PTPRD: variants seen among roughly 807,000 people sequenced by gnomAD.
PTPRD encodes the protein receptor-type tyrosine-protein phosphatase delta.
In PTPRD, 34 loss-of-function variants were observed where a neutral mutation model predicts 214.5. The observed-to-expected ratio is 0.16, with a 90% CI of 0.12 to 0.21. PTPRD has a LOEUF of 0.21. PTPRD is among the 10% of genes least tolerant of loss of function. PTPRD has a pLI of 1.00. For missense variants in PTPRD, 2,545 were observed against 2,398.7 expected (o/e 1.06, Z -1.27); for synonymous variants, 1,128 against 845.7 (o/e 1.33, Z -5.79).
In PTPRD at chr9:9,967,021, T is replaced by C. The variant is rs143292355; in HGVS notation, c.-471-28411A>G. 8.6e-3 allele frequency among the ~76,000 whole-genome samples: 1,308 copies of C among 152,224 alleles called. 9 individuals are homozygous for C. The highest frequency in any genetic ancestry group is 0.014 in the Non-Finnish European group (950 of 67,996). ...GGGACTACAGATCACAGATAGGAGATAGCAATGACAGGATCTGACCTTAGG... is the reference window on the plus strand; with the variant it reads ...GGGACTACAGATCACAGATAGGAGACAGCAATGACAGGATCTGACCTTAGG... On this transcript the variant is annotated intron_variant, in intron 4 of 45. Transcript: ENST00000381196.
intron 9 of PTPRD, among the ~76,000 whole-genome samples, chr9:9,233,369 CACA>C (rs2099964392): frequency 6.6e-6 from 1 of 152,152 alleles, no homozygotes; most frequent in African/African-American, 2.4e-5. Flanking sequence ...AGGTCCCTTC[CACA>C]ACATGTGGAA....
intron 4 of PTPRD, among the ~76,000 whole-genome samples, chr9:10,006,275 T>A (rs1261810541): frequency 6.6e-6 from 1 of 152,044 alleles, no homozygotes; most frequent in Non-Finnish European, 1.5e-5. Context: ...TAGCATTTGA[T>A]ACAAGCCTTT....
intron 8 of PTPRD, among the ~76,000 whole-genome samples, chr9:9,465,566 A>C (rs536560323): frequency 1.3e-5 from 2 of 152,114 alleles, no homozygotes; most frequent in South Asian, 4.1e-4. Flanking sequence ...AAAGACAAAG[A>C]CTTTTTCTGT....
intron 9 of PTPRD, among the ~76,000 whole-genome samples, chr9:9,351,869 A>G (rs2051314925): frequency 6.6e-6 from 1 of 152,038 alleles, no homozygotes; most frequent in African/African-American, 2.4e-5. Flanking sequence ...TCCATTGGAG[A>G]TAACATGAAT....
intron 9 of PTPRD, among the ~76,000 whole-genome samples, chr9:9,310,461 G>A (rs1547288): frequency 0.64 from 97,360 of 151,986 alleles, 31,685 homozygotes; most frequent in African/African-American, 0.76. Context: ...GAAAGGTGCT[G>A]AAGGTAACTG....
Position 9,290,586 on chromosome 9 carries a change from T to G in PTPRD, c.-203+106863A>C, listed in dbSNP as rs1725123892. 2.6e-5 allele frequency among the ~76,000 whole-genome samples: 4 copies of G among 151,560 alleles called. No individual in the cohort carries two copies. The Admixed American group carries it at 2.6e-4, about 10-fold the overall frequency. The stretch of plus-strand genomic sequence containing the variant: ...AAACTACTAGATCATTTGTAGCCAT[T>G]TATTAATAACATATTTATGTGTATC... On this transcript the variant is annotated intron_variant, in intron 9 of 45. Transcript: ENST00000381196.
At chr9:10,425,281 A>C (rs1366225388) in intron 2 of PTPRD, among the ~76,000 whole-genome samples, 1 of 151,974 alleles carries the variant, frequency 6.6e-6, no homozygotes, top group Non-Finnish European at 1.5e-5. Context: ...TAAACAAAAA[A>C]AATCCAATAA....
intron 4 of PTPRD, among the ~76,000 whole-genome samples, chr9:9,993,164 C>G (rs1176012139): frequency 1.3e-5 from 2 of 152,092 alleles, no homozygotes; most frequent in East Asian, 3.9e-4. Flanking sequence ...TGTGGAGTAA[C>G]TGGAATTCTC....
intron 21 of PTPRD, among the ~76,000 whole-genome samples, chr9:8,512,093 T>C (rs1469540608): frequency 1.3e-5 from 2 of 152,072 alleles, no homozygotes. Flanking sequence ...TGACCAAAGA[T>C]ACTAGAAAAC....
intron 4 of PTPRD, among the ~76,000 whole-genome samples, chr9:10,032,577 G>C (rs1480317445): frequency 2.6e-5 from 4 of 152,048 alleles, no homozygotes; most frequent in African/African-American, 9.7e-5. Flanking sequence ...TTCCACATCA[G>C]CCACATGTAC....
chr9:9,028,041 AC>A (rs2099593044), intron 10 of PTPRD, among the ~76,000 whole-genome samples: 1 of 151,866 alleles, frequency 6.6e-6, no homozygotes, highest in Non-Finnish European at 1.5e-5. Context: ...GTAAACATAT[AC>A]CCCACCATTG....
At chr9:9,630,833 C>A (rs993049118) in intron 7 of PTPRD, among the ~76,000 whole-genome samples, 4 of 151,886 alleles carry the variant, frequency 2.6e-5, no homozygotes, top group South Asian at 2.1e-4. Context: ...AGATAGTAAG[C>A]AATATTTCCC....
intron 7 of PTPRD, among the ~76,000 whole-genome samples, chr9:9,619,177 C>G (rs2095083314): frequency 6.6e-6 from 1 of 152,054 alleles, no homozygotes; most frequent in African/African-American, 2.4e-5. Flanking sequence ...ACAACTCTTT[C>G]AAGACACTTG....
chr9:8,658,801 T>C (rs1164161805), intron 12 of PTPRD, among the ~76,000 whole-genome samples: 1 of 152,148 alleles, frequency 6.6e-6, no homozygotes, highest in Non-Finnish European at 1.5e-5. Flanking sequence ...TTGTAGAGTA[T>C]TTCCTTCAAG....
intron 9 of PTPRD, among the ~76,000 whole-genome samples, chr9:9,341,437 C>T (rs189870684): frequency 2.6e-5 from 4 of 152,226 alleles, no homozygotes; most frequent in African/African-American, 9.6e-5. Context: ...ACCCCACTTC[C>T]CACTGACTGC....
intron 9 of PTPRD, among the ~76,000 whole-genome samples, chr9:9,376,518 T>A (rs2140102723): frequency 6.6e-6 from 1 of 152,272 alleles, no homozygotes; most frequent in East Asian, 1.9e-4. Context: ...CCCATTAACT[T>A]CACTTAAAAG....
intron 7 of PTPRD, among the ~76,000 whole-genome samples, chr9:9,696,598 T>C (rs538898540): frequency 4.1e-4 from 62 of 152,272 alleles, no homozygotes; most frequent in African/African-American, 1.4e-3. Flanking sequence ...TAAAAGTCTA[T>C]GTTATCTGAT....
intron 4 of PTPRD, among the ~76,000 whole-genome samples, chr9:10,033,120 T>C (rs974839395): frequency 3.3e-5 from 5 of 150,466 alleles, no homozygotes; most frequent in African/African-American, 1.2e-4. Context: ...TACATGTACC[T>C]ACAGAAACAC....
intron 26 of PTPRD, 57 bp downstream of exon 26, chr9:8,497,185 T>C: frequency 1.4e-6 from 2 of 1,416,166 alleles, no homozygotes; most frequent in Non-Finnish European, 9.7e-7. Flanking sequence ...TGAAAGGATG[T>C]CAGAGAAAAC....
Sources: gnomAD v4.1 joint callset for allele counts (sites outside exome capture counted in the v4.1 genomes callset) on GRCh38, gnomAD v4.1.1 for gene constraint, MANE v1.5 for transcripts, NCBI Gene and HGNC (gene_info 2026-07-23, HGNC 2026-07-21) for gene names.